NR1D2: variants seen among roughly 807,000 people sequenced by gnomAD.
NR1D2 encodes V-erbA-related protein 1-related.
NR1D2 carries 25 observed loss-of-function variants against 52.2 expected under a neutral mutation model. That is an observed-to-expected ratio of 0.48 (90% CI 0.35 to 0.67). The LOEUF is 0.67. NR1D2 is among the 30% of genes least tolerant of loss of function. The pLI is 0.01. For synonymous variants in NR1D2, 259 were observed against 230.1 expected, an observed-to-expected ratio of 1.13 and a Z score of -1.14; for missense variants, 681 against 707.2, an observed-to-expected ratio of 0.96 and a Z score of 0.42.
intron 7 of NR1D2, among the ~76,000 whole-genome samples, chr3:23,972,987 A>G (rs111733288): frequency 5.6e-4 from 86 of 152,334 alleles, no homozygotes; most frequent in Non-Finnish European, 1.1e-3. Flanking sequence ...TAAACACAAA[A>G]TAGCCACTGA....
In NR1D2 at chr3:23,963,223, G is replaced by C. The variant is rs778860155; in HGVS notation, c.1146+618G>C. ...ATCAAATACGACATTCTACATCAAAGTACAGTGTTCATATTCAGCCAAAAT... is the reference window on the plus strand; with the variant it reads ...ATCAAATACGACATTCTACATCAAACTACAGTGTTCATATTCAGCCAAAAT... On this transcript the variant is annotated intron_variant, in intron 5 of 7. Transcript: ENST00000312521. The C allele has an allele frequency of 8.3e-6, 11 of 1,322,378 alleles. No individual in the cohort carries two copies. The South Asian group carries it at 1.3e-4, about 15-fold the overall frequency. 81.9% of individuals were successfully genotyped at this position (1,322,378 alleles called of 1,614,324 possible).
chr3:23,962,191 A>G lies in NR1D2; in HGVS notation c.732A>G (p.Pro244=). The change falls in exon 5 of 8, where the codon CCA becomes CCG. Residue 244 remains proline (P), a synonymous_variant. Transcript: ENST00000312521. ...AAAACATCAAAAGCTCTTCTCCTCC[A>G]TCTTCTGATTTTGCAAAGGAAGAAG... ...EQENIKSSSP[P]SSDFAKEEVI... 5.6e-6 allele frequency: 9 copies of G among 1,614,180 alleles called. No individual in the cohort carries two copies. The highest frequency in any genetic ancestry group is 1.1e-5 in the South Asian group (1 of 91,082).
At chr3:23,949,534 A>G (rs960130468) in intron 1 of NR1D2, among the ~76,000 whole-genome samples, 1 of 152,108 alleles carries the variant, frequency 6.6e-6, no homozygotes, top group Non-Finnish European at 1.5e-5. Context: ...CAGCAGTCAC[A>G]ATCATGTGTG....
intron 5 of NR1D2, 157 bp from the exon 6 acceptor site, chr3:23,964,820 T>TGG: frequency 1.8e-6 from 1 of 558,050 alleles, no homozygotes; most frequent in Non-Finnish European, 3.1e-6. Flanking sequence ...TACAGTATGG[T>TGG]GGGCAGCAAA....
chr3:23,980,109 C>G lies in NR1D2; in HGVS notation c.*2690C>G, dbSNP rs1412230620. 6.6e-6 allele frequency: 1 copy of G among 152,066 alleles called. No homozygotes were observed. Among genetic ancestry groups the G allele is most frequent in the African/African-American group, 2.4e-5 (1 of 41,400 alleles). 9.4% of individuals were successfully genotyped at this position (152,066 alleles called of 1,614,324 possible). A position where few individuals can be genotyped will look rare whatever the true frequency, so the allele number is the denominator to read the frequency against. The stretch of plus-strand genomic sequence containing the variant: ...AGATTAAAAAATTAGAAGGAAATTT[C>G]AGTGGATTAAGTGTATAGCTTTCAT... On this transcript the variant is annotated 3_prime_UTR_variant, in exon 8 of 8. Transcript: ENST00000312521.
In NR1D2 at chr3:23,980,356, G is replaced by C. The variant is rs989260053; in HGVS notation, c.*2937G>C. The C allele has an allele frequency of 1.3e-5, 2 of 152,046 alleles. No homozygotes were observed. Among genetic ancestry groups the C allele is most frequent in the African/African-American group, 4.8e-5 (2 of 41,404 alleles). 9.4% of individuals were successfully genotyped at this position (152,046 alleles called of 1,614,324 possible). On this transcript the variant is annotated 3_prime_UTR_variant, in exon 8 of 8. Transcript: ENST00000312521. ...TAGAATTTTTTTAGGGGTTGGGGGA[G>C]GGGATCTGTTAGGAAACTGTTACCT...
chr3:23,952,499 C>T (rs540686488), intron 1 of NR1D2, among the ~76,000 whole-genome samples: 9 of 151,704 alleles, frequency 5.9e-5, no homozygotes, highest in South Asian at 2.1e-4. Flanking sequence ...CATCTGAGGT[C>T]GGAAGTTCGT....
chr3:23,967,368 A>G (rs1394839132), intron 6 of NR1D2, among the ~76,000 whole-genome samples: 1 of 151,862 alleles, frequency 6.6e-6, no homozygotes, highest in Non-Finnish European at 1.5e-5. Context: ...TAATCCCAGC[A>G]CTTTGGGAGG....
Position 23,962,365 on chromosome 3 carries a change from C to T in NR1D2, c.906C>T (p.Gly302=), listed in dbSNP as rs377720214. ...EQYNLNHDHC[G]NGLSSHFPCS... is the part of the protein sequence containing the mutation. ...ATAATTTAAATCATGATCATTGCGG[C>T]AATGGGCTTAGCAGCCATTTTCCCT... The change falls in exon 5 of 8, where the codon GGC becomes GGT. Residue 302 remains glycine, a synonymous_variant. Transcript: ENST00000312521. 41 of 1,614,006 alleles carry T rather than the reference C, an allele frequency of 2.5e-5. No homozygotes were observed. In the Admixed American group the frequency reaches 2.7e-4, roughly 10 times the overall value.
intron 3 of NR1D2, among the ~76,000 whole-genome samples, chr3:23,956,739 A>C (rs1706090197): frequency 6.6e-6 from 1 of 152,198 alleles, no homozygotes; most frequent in Non-Finnish European, 1.5e-5. Context: ...ATTCCAAGTG[A>C]GATGGTCTCT....
chr3:23,964,411 C>T (rs1249091957), intron 5 of NR1D2, among the ~76,000 whole-genome samples: 1 of 152,126 alleles, frequency 6.6e-6, no homozygotes, highest in African/African-American at 2.4e-5. Flanking sequence ...AAATGAGGCA[C>T]CTTGCTGTTT....
rs2125290808 is a variant in NR1D2 at position 23,962,023 on chromosome 3, A to G, written c.564A>G (p.Leu188=). Residue 188 remains leucine (L), a synonymous_variant, in exon 5 of 8, where the codon CTA becomes CTG. Coordinates refer to ENST00000312521, the MANE Select transcript of NR1D2 (RefSeq NM_005126.5). ...RIPKREKQRM[L]IEMQSAMKTM... is the part of the protein sequence containing the mutation. ...CTAAGCGTGAAAAACAGAGGATGCTAATTGAAATGCAAAGTGCAATGAAGA... is the reference window on the plus strand; with the variant it reads ...CTAAGCGTGAAAAACAGAGGATGCTGATTGAAATGCAAAGTGCAATGAAGA... The G allele has an allele frequency of 6.2e-7, 1 of 1,613,276 alleles. No individual in the cohort carries two copies. Among genetic ancestry groups the G allele is most frequent in the Non-Finnish European group, 8.5e-7 (1 of 1,179,448 alleles).
At chr3:23,946,000 C>T (rs1242615565) in intron 1 of NR1D2, 4 of 659,150 alleles carry the variant, frequency 6.1e-6, no homozygotes, top group East Asian at 1.4e-4. Context: ...ACCCACATTC[C>T]CCGGGGCCGC....
At chr3:23,946,886 A>C (rs564855200) in intron 1 of NR1D2, among the ~76,000 whole-genome samples, 1 of 152,316 alleles carries the variant, frequency 6.6e-6, no homozygotes, top group Admixed American at 6.5e-5. Flanking sequence ...GGTTATGGAA[A>C]CAGCCAGCTT....
rs11457044 is a variant in NR1D2, at chr3:23,971,303, A to ATTTTTT, written c.1543+3295_1543+3300dup. 2.4e-4 allele frequency among the ~76,000 whole-genome samples: 30 copies of ATTTTTT among 123,100 alleles called. No homozygotes were observed. In the East Asian group the frequency reaches 6.3e-3, roughly 26 times the overall value. 80.8% of individuals were successfully genotyped at this position (123,100 alleles called of 152,430 possible). A position where few individuals can be genotyped will look rare whatever the true frequency, so the allele number is the denominator to read the frequency against. ...ATATAATGCTTATATCTCTATACCT[A>ATTTTTT]TTTTTTTTTTTTTTTTTTTTGAGAC... On this transcript the variant is annotated intron_variant, in intron 7 of 7. Transcript: ENST00000312521.
At chr3:23,973,582 C>T (rs1377722848) in intron 7 of NR1D2, among the ~76,000 whole-genome samples, 1 of 152,134 alleles carries the variant, frequency 6.6e-6, no homozygotes, top group African/African-American at 2.4e-5. Flanking sequence ...ATCGTGAGGG[C>T]ATGTGAAGGC....
At position 23,962,500 on chromosome 3, in the gene NR1D2, C is replaced by T. The variant is rs1209712275; in HGVS notation, c.1041C>T (p.Ser347=). The T allele has an allele frequency of 1.2e-6, 2 of 1,613,924 alleles. No homozygotes were observed. The highest frequency in any genetic ancestry group is 2.2e-5 in the South Asian group (2 of 91,060). ...CIANGHCMNF[S]NAYTQRVCDR... The stretch of plus-strand genomic sequence containing the variant: ...CAAATGGACATTGTATGAACTTCTC[C>T]AATGCTTATACTCAAAGAGTATGTG... Residue 347 remains serine, a synonymous_variant, in exon 5 of 8, where the codon TCC becomes TCT. Coordinates refer to ENST00000312521, the MANE Select transcript of NR1D2 (RefSeq NM_005126.5).
intron 1 of NR1D2, among the ~76,000 whole-genome samples, chr3:23,950,831 C>G (rs926987093): frequency 2.0e-5 from 3 of 151,844 alleles, no homozygotes; most frequent in African/African-American, 7.3e-5. Flanking sequence ...GTCCATTGCC[C>G]CGTCAGTGCT....
chr3:23,954,397 A>AT (rs1181419134), intron 1 of NR1D2, 140 bp from the exon 2 acceptor site: 2 of 722,208 alleles, frequency 2.8e-6, no homozygotes, highest in African/African-American at 1.8e-5. Flanking sequence ...GAAATACTTT[A>AT]TTTTTTGCTT....
Sources: allele counts gnomAD v4.1 joint callset (sites outside exome capture counted in the v4.1 genomes callset), GRCh38; gene constraint gnomAD v4.1.1; transcripts MANE v1.5; gene names NCBI Gene and HGNC (gene_info 2026-07-23, HGNC 2026-07-21).